The following ITPK1 variants were observed in gnomAD, a reference collection of about 807,000 sequenced individuals.
ITPK1 encodes inositol 1,3,4-trisphosphate 5/6-kinase.
ITPK1 carries 21 observed loss-of-function variants against 45.3 expected under a neutral mutation model. The ratio of observed to expected loss-of-function variants is 0.46; its 90% CI spans 0.33 to 0.67. ITPK1 has a LOEUF of 0.67. Ranked by LOEUF, ITPK1 falls within the 30% of genes least tolerant of loss-of-function variation. The pLI, the probability that ITPK1 is intolerant of heterozygous loss-of-function variation, is 0.02. For missense variants in ITPK1, 474 were observed against 573.5 expected (o/e 0.83, Z 1.77); for synonymous variants, 258 against 253.6 (o/e 1.02, Z -0.16).
intron 2 of ITPK1, among the ~76,000 whole-genome samples, chr14:93,087,947 A>C (rs1248166203): frequency 1.3e-5 from 2 of 152,140 alleles, no homozygotes; most frequent in Non-Finnish European, 2.9e-5. Context: ...CTGGAGACCA[A>C]AGGCTCCAGG....
chr14:92,958,941 G>C lies in ITPK1; in HGVS notation c.505-575C>G, dbSNP rs781130335. ...CATACAACCTTTCACAGATGAGGAC[G>C]ATGAGGCGCTGAGAGGTTCAGTGAC... is the stretch of plus-strand genomic sequence containing the variant. On this transcript the variant is annotated intron_variant, in intron 7 of 10. Coordinates refer to ENST00000267615, the MANE Select transcript of ITPK1 (RefSeq NM_014216.6). This position sits in a 1 kb window ranked among gnomAD's most constrained non-coding sequence, Gnocchi z 4.4. Among the ~76,000 whole-genome samples the C allele has an allele frequency of 6.6e-6, 1 of 152,160 alleles. No individual in the cohort carries two copies. The highest frequency in any genetic ancestry group is 1.5e-5 in the Non-Finnish European group (1 of 68,028).
At chr14:93,088,341 G>GTTTTTTTTTTT (rs1179019290) in intron 2 of ITPK1, among the ~76,000 whole-genome samples, 3 of 132,718 alleles carry the variant, frequency 2.3e-5, no homozygotes, top group African/African-American at 8.5e-5. Context: ...GTTTTGTTTT[G>GTTTTTTTTTTT]TTTTTTTTTT....
chr14:92,942,615 C>T (rs1173658007), intron 10 of ITPK1, among the ~76,000 whole-genome samples: 1 of 152,248 alleles, frequency 6.6e-6, no homozygotes, highest in Non-Finnish European at 1.5e-5. Flanking sequence ...CTAGCAACAT[C>T]CAGGCCTGAG....
At chr14:93,109,949 C>T (rs1376880104) in intron 2 of ITPK1, among the ~76,000 whole-genome samples, 3 of 152,194 alleles carry the variant, frequency 2.0e-5, no homozygotes, top group Non-Finnish European at 2.9e-5. Flanking sequence ...TCCACAGGGA[C>T]GACGACAGCA....
intron 9 of ITPK1, among the ~76,000 whole-genome samples, chr14:92,951,478 CG>C (rs1315247283): frequency 6.6e-6 from 1 of 152,178 alleles, no homozygotes; most frequent in African/African-American, 2.4e-5. Flanking sequence ...ACTCACTGAA[CG>C]GCCAGAACGC....
At chr14:93,018,054 C>A (rs921801361) in intron 3 of ITPK1, among the ~76,000 whole-genome samples, 1 of 152,192 alleles carries the variant, frequency 6.6e-6, no homozygotes, top group Non-Finnish European at 1.5e-5. Context: ...CCGCTCCCCA[C>A]GCCTGCTCTG....
In ITPK1 at chr14:93,115,291, C is replaced by G. The variant is rs1892898732; in HGVS notation, c.-128G>C. On this transcript the variant is annotated 5_prime_UTR_variant, in exon 2 of 11. Transcript: ENST00000267615. ...CGGGGACGCGGAACGGGGATCGGAG[C>G]TGGGGCGCGCAGTCCTGCCGCGCGG... 1.9e-6 allele frequency: 1 copy of G among 534,512 alleles called. No individual in the cohort carries two copies. Among genetic ancestry groups the G allele is most frequent in the South Asian group, 2.3e-5 (1 of 42,914 alleles). The allele number at this position is 534,512 out of a possible 1,614,324, so 33.1% of individuals were successfully genotyped here. A position where few individuals can be genotyped will look rare whatever the true frequency, so the allele number is the denominator to read the frequency against.
intron 2 of ITPK1, among the ~76,000 whole-genome samples, chr14:93,100,552 GAGAGAC>G (rs1485019706): frequency 6.8e-6 from 1 of 146,988 alleles, no homozygotes; most frequent in East Asian, 2.0e-4. Context: ...GAGAGAGAGA[GAGAGAC>G]AGAGAGAGAG....
rs995759736 is a variant in ITPK1, at chr14:92,937,497, C to T, written c.*4064G>A. On this transcript the variant is annotated 3_prime_UTR_variant, in exon 11 of 11. Coordinates refer to ENST00000267615, the MANE Select transcript of ITPK1 (RefSeq NM_014216.6). ...GTAATCATTTCTGAAAAGGGGGGGTCTGGGTGCTCCTGCGGGTGAGAATCA... is the reference window on the plus strand; with the variant it reads ...GTAATCATTTCTGAAAAGGGGGGGTTTGGGTGCTCCTGCGGGTGAGAATCA... 5.9e-5 allele frequency: 9 copies of T among 152,224 alleles called. No individual in the cohort carries two copies. Among genetic ancestry groups the T allele is most frequent in the Admixed American group, 3.9e-4 (6 of 15,288 alleles). 9.4% of individuals were successfully genotyped at this position (152,224 alleles called of 1,614,324 possible). A position where few individuals can be genotyped will look rare whatever the true frequency, so the allele number is the denominator to read the frequency against.
intron 3 of ITPK1, among the ~76,000 whole-genome samples, chr14:93,053,000 A>T (rs1219894099): frequency 6.6e-6 from 1 of 151,598 alleles, no homozygotes; most frequent in African/African-American, 2.4e-5. Context: ...AGGGGGAGGG[A>T]TAGCATTAGG....
chr14:93,021,319 A>G (rs1362137456), intron 3 of ITPK1, among the ~76,000 whole-genome samples: 1 of 152,094 alleles, frequency 6.6e-6, no homozygotes, highest in African/African-American at 2.4e-5. Context: ...GGGGCCGGAC[A>G]TAGTGGCTTG....
intron 2 of ITPK1, among the ~76,000 whole-genome samples, chr14:93,101,587 G>A (rs956506737): frequency 9.8e-5 from 15 of 152,298 alleles, no homozygotes; most frequent in Middle Eastern, 3.4e-3. Context: ...GGTGGTTCAC[G>A]CCTGTAATGC....
In ITPK1 at chr14:93,052,383, C is replaced by T. The variant is rs557792610; in HGVS notation, c.120+24212G>A. Among the ~76,000 whole-genome samples, 121 of 152,238 alleles carry T rather than the reference C, an allele frequency of 7.9e-4. 1 individual carries two copies. The highest frequency in any genetic ancestry group is 2.5e-3 in the African/African-American group (105 of 41,536). On this transcript the variant is annotated intron_variant, in intron 3 of 10. Coordinates refer to ENST00000267615, the MANE Select transcript of ITPK1 (RefSeq NM_014216.6). Reference sequence around the variant, plus strand: ...ACTAAAGGTCTTTTATTACAACAGACGCCAGGCATCTAGGGCGGCCTGTTG... The same window carrying T: ...ACTAAAGGTCTTTTATTACAACAGATGCCAGGCATCTAGGGCGGCCTGTTG...
intron 2 of ITPK1, among the ~76,000 whole-genome samples, chr14:93,093,373 C>T (rs1366827334): frequency 6.6e-6 from 1 of 152,200 alleles, no homozygotes; most frequent in African/African-American, 2.4e-5. Context: ...GTCCTCAAGC[C>T]GCCCCTGGCG....
At chr14:92,985,300 T>C (rs916201678) in intron 5 of ITPK1, among the ~76,000 whole-genome samples, 1 of 152,056 alleles carries the variant, frequency 6.6e-6, no homozygotes, top group Non-Finnish European at 1.5e-5. Flanking sequence ...AAATTCGAAT[T>C]CATTTAGGTC....
intron 2 of ITPK1, among the ~76,000 whole-genome samples, chr14:93,100,981 C>T (rs970976388): frequency 2.0e-5 from 3 of 152,174 alleles, no homozygotes; most frequent in Non-Finnish European, 4.4e-5. Context: ...AAGGGGCACC[C>T]ACTCACTCCC....
intron 2 of ITPK1, among the ~76,000 whole-genome samples, chr14:93,090,956 C>T (rs935118041): frequency 5.3e-5 from 8 of 152,158 alleles, no homozygotes; most frequent in African/African-American, 1.7e-4. Flanking sequence ...TCCTCCCCTG[C>T]TCTTCCTCCT....
chr14:92,996,145 G>C (rs144927112), intron 4 of ITPK1, among the ~76,000 whole-genome samples: 1 of 152,192 alleles, frequency 6.6e-6, no homozygotes, highest in Non-Finnish European at 1.5e-5. Flanking sequence ...TCCTTGGGAG[G>C]CTGAGGTGGG....
chr14:93,064,585 G>A (rs754303217), intron 3 of ITPK1, among the ~76,000 whole-genome samples: 3 of 152,148 alleles, frequency 2.0e-5, no homozygotes, highest in East Asian at 1.9e-4. Flanking sequence ...ATGCACCACC[G>A]CCAAGTTTCT....
Sources: allele counts gnomAD v4.1 joint callset (sites outside exome capture counted in the v4.1 genomes callset), GRCh38; gene constraint gnomAD v4.1.1; non-coding constraint Gnocchi (gnomAD v3.1); transcripts MANE v1.5; gene names NCBI Gene and HGNC (gene_info 2026-07-23, HGNC 2026-07-21).